The following NDUFA7 variants were observed in gnomAD, a reference collection of about 807,000 sequenced individuals.
NDUFA7 encodes the protein NADH dehydrogenase [ubiquinone] 1 alpha subcomplex subunit 7.
A neutral mutation model predicts 14.2 loss-of-function variants in NDUFA7; 18 were observed. The ratio of observed to expected loss-of-function variants is 1.27; its 90% CI spans 0.88 to 1.88. The LOEUF (loss-of-function observed/expected upper bound fraction) is 1.88. Among genes scored for constraint, NDUFA7 ranks in the 40% most tolerant of loss-of-function variants. The pLI is 0.00. For missense variants in NDUFA7, 172 were observed against 147.3 expected, an observed-to-expected ratio of 1.17 and a Z score of -0.87; for synonymous variants, 75 against 62.1, an observed-to-expected ratio of 1.21 and a Z score of -0.98.
intron 1 of NDUFA7, 150 bp downstream of exon 1, chr19:8,321,158 C>T: frequency 1.9e-6 from 2 of 1,073,948 alleles, no homozygotes; most frequent in Non-Finnish European, 2.6e-6. Flanking sequence ...GAGAGGGTCC[C>T]GGGCTGAAGG....
chr19:8,316,322 C>T (rs906251876), intron 3 of NDUFA7, among the ~76,000 whole-genome samples, 174 bp downstream of exon 3: 30 of 152,150 alleles, frequency 2.0e-4, no homozygotes, highest in Middle Eastern at 3.4e-3. Flanking sequence ...AAGACTCTGT[C>T]TCTAAAAACG....
At chr19:8,316,732 T>C in intron 2 of NDUFA7, 87 bp from the exon 3 acceptor site, 1 of 1,512,380 alleles carries the variant, frequency 6.6e-7, no homozygotes. Context: ...AGTCACAAAA[T>C]GTGGGATCTA....
downstream of NDUFA7, among the ~76,000 whole-genome samples, chr19:8,310,010 T>C (rs1970155965): frequency 6.6e-6 from 1 of 152,228 alleles, no homozygotes; most frequent in South Asian, 2.1e-4. Context: ...TTGCCTTCCC[T>C]GTGAGCAGCC....
In NDUFA7 at chr19:8,321,213, G is replaced by A. The variant is rs966682085; in HGVS notation, c.51+95C>T. On this transcript the variant is annotated intron_variant, in intron 1 of 3. Transcript: ENST00000301457. The stretch of plus-strand genomic sequence containing the variant: ...CCAGGGAGATTCGGGGAGAGCGAAG[G>A]GTCCCGGCTTAGGAGGGAGGTGAGG... 1.1e-5 allele frequency: 15 copies of A among 1,369,318 alleles called. No individual in the cohort carries two copies. In the African/African-American group the frequency reaches 2.2e-4, roughly 20 times the overall value. 84.8% of individuals were successfully genotyped at this position (1,369,318 alleles called of 1,614,324 possible).
At chr19:8,309,874 C>T (rs1451438822), downstream of NDUFA7, among the ~76,000 whole-genome samples, 1 of 152,196 alleles carries the variant, frequency 6.6e-6, no homozygotes, top group African/African-American at 2.4e-5. Context: ...GACACCCTCC[C>T]TTTGCAGATT....
chr19:8,314,706 G>A (rs1432325263), intron 3 of NDUFA7, among the ~76,000 whole-genome samples: 1 of 152,206 alleles, frequency 6.6e-6, no homozygotes, highest in African/African-American at 2.4e-5. Context: ...GAGATCAGGA[G>A]ATCAAGACCA....
At chr19:8,313,452 G>C (rs772066028) in intron 3 of NDUFA7, among the ~76,000 whole-genome samples, 2 of 150,668 alleles carry the variant, frequency 1.3e-5, no homozygotes, top group Non-Finnish European at 3.0e-5. Context: ...CGATGGTCTC[G>C]ATCTCCTGAC....
chr19:8,317,964 C>T (rs112609532), intron 2 of NDUFA7, among the ~76,000 whole-genome samples: 3,349 of 150,894 alleles, frequency 0.022, 173 homozygotes, highest in South Asian at 0.17. Flanking sequence ...TGAGCCACCA[C>T]TCCTGGCCTT....
chr19:8,311,710 G>T, intron 3 of NDUFA7, 115 bp from the exon 4 acceptor site: 1 of 785,906 alleles, frequency 1.3e-6, no homozygotes, highest in Non-Finnish European at 2.0e-6. Flanking sequence ...GGACCTGCAG[G>T]ACAGACAGCA....
chr19:8,320,997 CG>C, intron 1 of NDUFA7, 91 bp from the exon 2 acceptor site: 1 of 1,455,810 alleles, frequency 6.9e-7, no homozygotes. Flanking sequence ...TCCGGGGATG[CG>C]CATTTTAAGG....
At chr19:8,312,839 AT>A (rs898638863) in intron 3 of NDUFA7, among the ~76,000 whole-genome samples, 6 of 151,878 alleles carry the variant, frequency 4.0e-5, no homozygotes, top group Non-Finnish European at 7.4e-5. Context: ...TAATTTTTGT[AT>A]TTTTTGTAGA....
At chr19:8,319,622 C>A (rs1239957311) in intron 2 of NDUFA7, 1 of 151,044 alleles carries the variant, frequency 6.6e-6, no homozygotes, top group Non-Finnish European at 1.5e-5. Flanking sequence ...TGGAATTAGT[C>A]ACAACATATA....
At chr19:8,311,209 G>A (rs998275315), downstream of NDUFA7, 13 of 203,098 alleles carry the variant, frequency 6.4e-5, no homozygotes, top group Admixed American at 2.4e-4. Flanking sequence ...GGTGACCAAG[G>A]TCAAGCAGAG....
At chr19:8,316,836 G>A in intron 2 of NDUFA7, 191 bp from the exon 3 acceptor site, 1 of 625,850 alleles carries the variant, frequency 1.6e-6, no homozygotes. Context: ...GCCAGAAGCA[G>A]ATGGTGGACC....
intron 2 of NDUFA7, chr19:8,319,561 A>C (rs1970276372): frequency 4.0e-5 from 1 of 25,196 alleles, no homozygotes; most frequent in East Asian, 7.2e-4. Flanking sequence ...ACTCCGTCTC[A>C]AAAAAAAAAA....
At chr19:8,316,709 C>A in intron 2 of NDUFA7, 64 bp from the exon 3 acceptor site, 1 of 1,566,140 alleles carries the variant, frequency 6.4e-7, no homozygotes, top group Non-Finnish European at 8.7e-7. Context: ...CCGCTGTGGG[C>A]CCCTGTCACC....
downstream of NDUFA7, among the ~76,000 whole-genome samples, chr19:8,311,055 C>A (rs62120995): frequency 6.6e-6 from 1 of 152,206 alleles, no homozygotes; most frequent in African/African-American, 2.4e-5. Context: ...GAACCAGCTG[C>A]CTTCCTTCTG....
chr19:8,311,065 G>A (rs1319316406), downstream of NDUFA7, among the ~76,000 whole-genome samples: 2 of 152,040 alleles, frequency 1.3e-5, no homozygotes, highest in Non-Finnish European at 2.9e-5. Flanking sequence ...CCTTCCTTCT[G>A]GAGCTAACTC....
chr19:8,319,702 T>C (rs1970278260), intron 2 of NDUFA7: 1 of 152,170 alleles, frequency 6.6e-6, no homozygotes, highest in South Asian at 2.1e-4. Context: ...AATGACTGCC[T>C]TACCTCTGCC....
Sources: allele counts gnomAD v4.1 joint callset (sites outside exome capture counted in the v4.1 genomes callset), GRCh38; gene constraint gnomAD v4.1.1; transcripts MANE v1.5; gene names NCBI Gene and HGNC (gene_info 2026-07-23, HGNC 2026-07-21).